The following BAZ2A variants were observed in gnomAD, a reference collection of about 807,000 sequenced individuals.
BAZ2A encodes bromodomain adjacent to zinc finger domain 2A.
BAZ2A carries 34 observed loss-of-function variants against 199.9 expected under a neutral mutation model. The ratio of observed to expected loss-of-function variants is 0.17; its 90% CI spans 0.13 to 0.23. The LOEUF (loss-of-function observed/expected upper bound fraction) is 0.23, where lower values mean the gene tolerates loss of function less well. Among genes scored for constraint, BAZ2A ranks in the 10% least tolerant of loss-of-function variants. BAZ2A has a pLI of 1.00. For synonymous variants in BAZ2A, 857 were observed against 883.9 expected (o/e 0.97, Z 0.54); for missense variants, 2,002 against 2,391.1 (o/e 0.84, Z 3.39).
rs190794608 is a variant in BAZ2A at position 56,619,826 on chromosome 12, T to C, written c.-2-2294A>G. ...GAGATCAAGACCAGCTTGGGAAACA[T>C]AGCAAGGCTCTGTCTCCACAAAAAA... is the stretch of plus-strand genomic sequence containing the variant. On this transcript the variant is annotated intron_variant, in intron 1 of 28. Coordinates refer to ENST00000549884, the MANE Select transcript of BAZ2A (RefSeq NM_001300905.2). Among the ~76,000 whole-genome samples the C allele has an allele frequency of 5.9e-4, 90 of 152,148 alleles. 1 individual carries two copies. The East Asian group carries it at 9.9e-3, about 17-fold the overall frequency.
upstream of BAZ2A, among the ~76,000 whole-genome samples, chr12:56,634,743 A>G (rs1565843862): frequency 6.6e-6 from 1 of 151,998 alleles, no homozygotes; most frequent in Admixed American, 6.5e-5. Context: ...GATGGCGGAG[A>G]GGCGTGAGAA....
At chr12:56,612,984 GTCTT>G (rs1950610691) in intron 5 of BAZ2A, 27 bp downstream of exon 5, 1 of 1,572,222 alleles carries the variant, frequency 6.4e-7, no homozygotes, top group Non-Finnish European at 8.7e-7. Flanking sequence ...TCAGGTAAAG[GTCTT>G]TCTTTGTCCT....
chr12:56,613,431 G>C (rs187150910), intron 4 of BAZ2A, among the ~76,000 whole-genome samples, 198 bp from the exon 5 acceptor site: 38 of 152,236 alleles, frequency 2.5e-4, no homozygotes, highest in Admixed American at 2.3e-3. Flanking sequence ...AAAAGTTTGA[G>C]GGGAGGCCGA....
chr12:56,605,663 C>A, intron 13 of BAZ2A, 167 bp downstream of exon 13: 3 of 772,504 alleles, frequency 3.9e-6, no homozygotes. Flanking sequence ...CTCAAGCGAT[C>A]TGCCCGCCTC....
Position 56,620,563 on chromosome 12 carries a change from C to CTTTTTTTTTTT in BAZ2A, c.-2-3042_-2-3032dup, listed in dbSNP as rs11367195. On this transcript the variant is annotated intron_variant, in intron 1 of 28. Coordinates refer to ENST00000549884, the MANE Select transcript of BAZ2A (RefSeq NM_001300905.2). The stretch of plus-strand genomic sequence containing the variant: ...AACACACAGGGTCCTCCAGGATTTC[C>CTTTTTTTTTTT]TTTTTTTTTTTTTGAGACAGAGTTT... Among the ~76,000 whole-genome samples the CTTTTTTTTTTT allele has an allele frequency of 1.7e-4, 24 of 144,490 alleles. 1 individual carries two copies. The highest frequency in any genetic ancestry group is 4.7e-4 in the African/African-American group (18 of 38,336). 94.8% of individuals were successfully genotyped at this position (144,490 alleles called of 152,430 possible).
In BAZ2A at chr12:56,597,482, A is replaced by G. The variant is rs373359351; in HGVS notation, c.*1136T>C. On this transcript the variant is annotated 3_prime_UTR_variant, in exon 29 of 29. Coordinates refer to ENST00000549884, the MANE Select transcript of BAZ2A (RefSeq NM_001300905.2). Reference sequence around the variant, plus strand: ...AAAGACAAAAAAGTGATGGTTTTAAACAATGGGAAAAATGGGAATGAAAAC... The same window carrying G: ...AAAGACAAAAAAGTGATGGTTTTAAGCAATGGGAAAAATGGGAATGAAAAC... 6.6e-6 allele frequency: 1 copy of G among 152,292 alleles called. No homozygotes were observed. Among genetic ancestry groups the G allele is most frequent in the East Asian group, 1.9e-4 (1 of 5,180 alleles). 9.4% of individuals were successfully genotyped at this position (152,292 alleles called of 1,614,324 possible).
rs1950680040 is a variant in BAZ2A at position 56,615,247 on chromosome 12, T to C, written c.497A>G (p.Tyr166Cys). The part of the protein sequence containing the change: ...MGLNFDSQEL[Y>C]DSFPDQNFEV... ...AAAATTCTGGTCAGGAAAGGAATCA[T>C]ACAGTTCTTGTGAATCAAAGTTAAG... Residue 166 changes from tyrosine (Y) to cysteine (C), a missense_variant, in exon 3 of 29, where the codon TAT becomes TGT. Physicochemically the swap from Tyr to Cys is radical, Grantham distance 194. Coordinates refer to ENST00000549884, the MANE Select transcript of BAZ2A (RefSeq NM_001300905.2). 2 of 1,613,866 alleles carry C rather than the reference T, an allele frequency of 1.2e-6. No individual in the cohort carries two copies. The highest frequency in any genetic ancestry group is 2.2e-5 in the South Asian group (2 of 91,086).
Position 56,601,786 on chromosome 12 carries a change from A to T in BAZ2A, c.3831T>A (p.His1277Gln). 3 of 1,613,976 alleles carry T rather than the reference A, an allele frequency of 1.9e-6. No individual in the cohort carries two copies. Among genetic ancestry groups the T allele is most frequent in the Non-Finnish European group, 2.5e-6 (3 of 1,179,884 alleles). ...FLSWLSQTQS[H>Q]SSLLSSSVLT... ...GGACTGAGCTGCTCAACAGGGAGCT[A>T]TGGCTCTGAGTCTGGCTCAGCCAAG... is the stretch of plus-strand genomic sequence containing the variant. Residue 1277 changes from histidine to glutamine, a missense_variant, in exon 20 of 29, where the codon CAT becomes CAA. Transcript: ENST00000549884.
In BAZ2A at chr12:56,609,167, T is replaced by C. The variant is rs191307995; in HGVS notation, c.2092+569A>G. Among the ~76,000 whole-genome samples, 424 of 152,214 alleles carry C rather than the reference T, an allele frequency of 2.8e-3. 2 individuals are homozygous for C. Among genetic ancestry groups the C allele is most frequent in the African/African-American group, 9.9e-3 (413 of 41,520 alleles). On this transcript the variant is annotated intron_variant, in intron 10 of 28. Coordinates refer to ENST00000549884, the MANE Select transcript of BAZ2A (RefSeq NM_001300905.2). The stretch of plus-strand genomic sequence containing the variant: ...TGCTGGGATTACAGGTGTGAGACAC[T>C]GTGCCCGGCCTATTATTTTTTTTAG...
rs760095207 is a variant in BAZ2A at position 56,604,684 on chromosome 12, C to T, written c.2864G>A (p.Arg955His). 1.1e-5 allele frequency: 17 copies of T among 1,612,804 alleles called. No individual in the cohort carries two copies. Among genetic ancestry groups the T allele is most frequent in the Admixed American group, 1.7e-5 (1 of 59,836 alleles). Residue 955 changes from arginine (R) to histidine (H), a missense_variant, in exon 15 of 29, where the codon CGC (arginine) becomes CAC (histidine). Physicochemically the swap from Arg to His is conservative, Grantham distance 29 (BLOSUM62 0). Around this residue, in one of 6 missense-constraint regions of BAZ2A, gnomAD observed 1,081 missense variants for 1,274.7 expected, o/e 0.85. Transcript: ENST00000549884. ...GGCCTGAAAAGGCTGGGTGCGCAGGCGGTCACAGAGGGCTGGCTCTACTCC... is the reference window on the plus strand; with the variant it reads ...GGCCTGAAAAGGCTGGGTGCGCAGGTGGTCACAGAGGGCTGGCTCTACTCC... ...AYGVEPALCD[R>H]LRTQPFQAQP... is the part of the protein sequence containing the mutation.
chr12:56,629,633 C>T (rs1951228483), intron 1 of BAZ2A, among the ~76,000 whole-genome samples: 1 of 152,160 alleles, frequency 6.6e-6, no homozygotes, highest in Non-Finnish European at 1.5e-5. Context: ...CCGAGGGAGA[C>T]ACCCTCAGAC....
rs535492376 is a variant in BAZ2A at position 56,616,591 on chromosome 12, G to A, written c.136+804C>T. ...ATCAATGGCAACCTCTGGGATGGAG[G>A]ACAATCAATCAAAAAGAACCAAGAT... On this transcript the variant is annotated intron_variant, in intron 2 of 28. Coordinates refer to ENST00000549884, the MANE Select transcript of BAZ2A (RefSeq NM_001300905.2). 1.2e-4 allele frequency among the ~76,000 whole-genome samples: 19 copies of A among 152,284 alleles called. No homozygotes were observed. The South Asian group carries it at 3.7e-3, about 30-fold the overall frequency.
At chr12:56,625,337 G>A (rs1247513901) in intron 1 of BAZ2A, among the ~76,000 whole-genome samples, 1 of 151,626 alleles carries the variant, frequency 6.6e-6, no homozygotes, top group Non-Finnish European at 1.5e-5. Context: ...CATATTTTTA[G>A]TAGAGACAGG....
rs762307514 is a variant in BAZ2A, at chr12:56,598,816, G to A, written c.5547-33C>T. On this transcript the variant is annotated intron_variant, in intron 28 of 28. Coordinates refer to ENST00000549884, the MANE Select transcript of BAZ2A (RefSeq NM_001300905.2). Reference sequence around the variant, plus strand: ...GGGCAGGGGCAAAACTGTGAGCTGGGTAGGAGTTGCAGCAGTAGCAAAGAC... The same window carrying A: ...GGGCAGGGGCAAAACTGTGAGCTGGATAGGAGTTGCAGCAGTAGCAAAGAC... 2.5e-6 allele frequency: 4 copies of A among 1,609,848 alleles called. No individual in the cohort carries two copies. The African/African-American group carries it at 4.0e-5, about 16-fold the overall frequency.
chr12:56,600,399 C>T lies in BAZ2A; in HGVS notation c.4694G>A (p.Gly1565Asp). 3 of 1,614,038 alleles carry T rather than the reference C, an allele frequency of 1.9e-6. No individual in the cohort carries two copies. The Middle Eastern group carries it at 4.9e-4, about 266-fold the overall frequency. The change falls in exon 24 of 29, where the codon GGT (glycine) becomes GAT (aspartate). Residue 1565 changes from glycine (G) to aspartate (D), a missense_variant. Transcript: ENST00000549884. ...SDSQEDITWR[G>D]RGREGLAPQR... is the part of the protein sequence containing the mutation. ...AGGTGCCAGTCCCTCCCTGCCCCGA[C>T]CTCGCCAGGTGATATCCTCCTGGGA... is the stretch of plus-strand genomic sequence containing the variant.
In BAZ2A at chr12:56,612,071, T is replaced by G. The variant is rs1334924613; in HGVS notation, c.1311A>C (p.Leu437=). ...CTGGGGAGGCTGCTGGAGAAACCAC[T>G]AGGGAGACTGCTGGGGAGGTTGTTG... is the stretch of plus-strand genomic sequence containing the variant. The part of the protein sequence containing the change: ...VSPTTSPAVS[L]VVSPAASPEI... The change falls in exon 6 of 29, where the codon CTA becomes CTC. Residue 437 remains leucine (L), a synonymous_variant. Transcript: ENST00000549884. 1 of 1,613,596 alleles carries G rather than the reference T, an allele frequency of 6.2e-7. No homozygotes were observed. Among genetic ancestry groups the G allele is most frequent in the Admixed American group, 1.7e-5 (1 of 59,954 alleles).
chr12:56,631,821 G>A (rs1186515113), upstream of BAZ2A, among the ~76,000 whole-genome samples: 2 of 152,246 alleles, frequency 1.3e-5, no homozygotes, highest in Middle Eastern at 3.4e-3. Flanking sequence ...GTTGGGGGGT[G>A]AGATCCATCA....
chr12:56,638,064 G>A (rs1289817730), upstream of BAZ2A: 1 of 388,912 alleles, frequency 2.6e-6, no homozygotes, highest in East Asian at 4.7e-5. Flanking sequence ...GAGCCCAGGA[G>A]TTAGAGACCA....
chr12:56,638,245 C>T (rs929186318), upstream of BAZ2A: 3 of 1,210,724 alleles, frequency 2.5e-6, no homozygotes, highest in South Asian at 1.3e-5. Flanking sequence ...AATCAAGGCT[C>T]TTGTGCAGCC....
Sources: gnomAD v4.1 joint callset for allele counts (sites outside exome capture counted in the v4.1 genomes callset) on GRCh38, gnomAD v4.1.1 for gene constraint, gnomAD v4.1.1 regional missense constraint, MANE v1.5 for transcripts, NCBI Gene and HGNC (gene_info 2026-07-23, HGNC 2026-07-21) for gene names.